Variants in ZSCAN5A observed in about 807,000 individuals in gnomAD.
The protein encoded by ZSCAN5A is zinc finger and SCAN domain containing 5A.
A neutral mutation model predicts 23.7 loss-of-function variants in ZSCAN5A; 12 were observed. The ratio of observed to expected loss-of-function variants is 0.51; its 90% confidence interval spans 0.32 to 0.82. The LOEUF (loss-of-function observed/expected upper bound fraction) is 0.82, where lower values mean the gene tolerates loss of function less well. Among genes scored for constraint, ZSCAN5A ranks in the 40% least tolerant of loss-of-function variants. The pLI is 0.03. For synonymous variants in ZSCAN5A, 257 were observed against 239.9 expected, an observed-to-expected ratio of 1.07 and a Z score of -0.66; for missense variants, 597 against 617.9, an observed-to-expected ratio of 0.97 and a Z score of 0.36.
At chr19:56,364,479 A>G (rs1348918223) in intron 1 of ZSCAN5A, among the ~76,000 whole-genome samples, 1 of 152,230 alleles carries the variant, frequency 6.6e-6, no homozygotes, top group Non-Finnish European at 1.5e-5. Context: ...AAGGATGTGG[A>G]ATGACTGGAA....
At chr19:56,335,103 C>CTTA (rs1051488703) in intron 2 of ZSCAN5A, among the ~76,000 whole-genome samples, 5 of 151,996 alleles carry the variant, frequency 3.3e-5, no homozygotes, top group African/African-American at 7.3e-5. Context: ...AAGAATGTAA[C>CTTA]CAGCCTGACA....
intron 2 of ZSCAN5A, among the ~76,000 whole-genome samples, chr19:56,278,775 G>A (rs1016484796): frequency 6.6e-6 from 1 of 152,160 alleles, no homozygotes; most frequent in Non-Finnish European, 1.5e-5. Flanking sequence ...GGAGCTCAGG[G>A]AGCTGTTGGT....
intron 2 of ZSCAN5A, among the ~76,000 whole-genome samples, chr19:56,291,832 C>T (rs1325037510): frequency 1.3e-5 from 2 of 152,078 alleles, no homozygotes; most frequent in Admixed American, 6.6e-5. Context: ...AATCCCTCCT[C>T]GAATCAGGCA....
intron 2 of ZSCAN5A, among the ~76,000 whole-genome samples, chr19:56,230,615 A>ATATGTGTGTGTGTGTGTGTG (rs778155664): frequency 2.0e-5 from 3 of 147,686 alleles, no homozygotes; most frequent in East Asian, 2.1e-4. Flanking sequence ...TTATTTCTTG[A>ATATGTGTGTGTGTGTGTGTG]TGTGTGTGTG....
chr19:56,248,026 GTATTT>G (rs1435535673), intron 2 of ZSCAN5A, among the ~76,000 whole-genome samples: 3 of 152,132 alleles, frequency 2.0e-5, no homozygotes, highest in African/African-American at 2.4e-5. Flanking sequence ...TTAGTTTTCA[GTATTT>G]TATAACAAAA....
At chr19:56,364,035 T>C (rs1007132337) in intron 1 of ZSCAN5A, among the ~76,000 whole-genome samples, 1 of 152,128 alleles carries the variant, frequency 6.6e-6, no homozygotes, top group Non-Finnish European at 1.5e-5. Flanking sequence ...GCAAAGACAA[T>C]GGCAGAAAGG....
upstream of ZSCAN5A, chr19:56,318,041 G>C (rs886463329): frequency 6.6e-6 from 1 of 152,188 alleles, no homozygotes; most frequent in Non-Finnish European, 1.5e-5. Context: ...CTCCAAAACA[G>C]AGCACTGCAC....
At chr19:56,311,868 CTA>C (rs934336654) in intron 2 of ZSCAN5A, 8 of 152,250 alleles carry the variant, frequency 5.3e-5, no homozygotes, top group African/African-American at 1.9e-4. Flanking sequence ...TTGTTCACCC[CTA>C]TGTGTTCACG....
At chr19:56,238,277 C>G (rs780686749) in intron 2 of ZSCAN5A, among the ~76,000 whole-genome samples, 1 of 151,922 alleles carries the variant, frequency 6.6e-6, no homozygotes, top group Non-Finnish European at 1.5e-5. Context: ...AGGAATTAAG[C>G]AAATAAATAA....
At position 56,284,168 on chromosome 19, in the gene ZSCAN5A, T is replaced by C. The variant is rs950057875; in HGVS notation, c.-128+29115A>G. The C allele has an allele frequency of 1.0e-5, 10 of 985,400 alleles. No homozygotes were observed. The African/African-American group carries it at 1.6e-4, about 15-fold the overall frequency. The allele number at this position is 985,400 out of a possible 1,614,324, so 61.0% of individuals were successfully genotyped here. ...ACCACGCATGTAACCTTGGCCACCATGCTGACTCTCCTGGATGGGCTGCCA... is the reference window on the plus strand; with the variant it reads ...ACCACGCATGTAACCTTGGCCACCACGCTGACTCTCCTGGATGGGCTGCCA... On this transcript the variant is annotated intron_variant, in intron 2 of 5. Coordinates refer to ENST00000683990, the MANE Select transcript of ZSCAN5A (RefSeq NM_001322064.3).
chr19:56,323,003 T>G (rs1278722937), intron 2 of ZSCAN5A, among the ~76,000 whole-genome samples: 1 of 149,534 alleles, frequency 6.7e-6, no homozygotes, highest in Non-Finnish European at 1.5e-5. Flanking sequence ...CACGCCATTC[T>G]CCTGCCTCAG....
At chr19:56,253,841 C>T (rs1349979173) in intron 2 of ZSCAN5A, among the ~76,000 whole-genome samples, 1 of 152,116 alleles carries the variant, frequency 6.6e-6, no homozygotes, top group Non-Finnish European at 1.5e-5. Context: ...AAGCCGGTGC[C>T]ACTAGCATCA....
At chr19:56,247,415 GA>G in intron 2 of ZSCAN5A, 3 of 178,060 alleles carry the variant, frequency 1.7e-5, no homozygotes, top group Admixed American at 5.8e-5. Flanking sequence ...AAGTGTCTAA[GA>G]GCCTTTCGTC....
intron 2 of ZSCAN5A, among the ~76,000 whole-genome samples, chr19:56,349,560 C>T (rs1243122271): frequency 6.6e-6 from 1 of 151,966 alleles, no homozygotes; most frequent in African/African-American, 2.4e-5. Context: ...TTCAAATTAG[C>T]CGGGTGCAGT....
intron 2 of ZSCAN5A, among the ~76,000 whole-genome samples, chr19:56,241,937 C>T (rs1385547091): frequency 6.6e-6 from 1 of 152,136 alleles, no homozygotes; most frequent in Non-Finnish European, 1.5e-5. Flanking sequence ...CTCAACCCGT[C>T]ACCCAGGATG....
chr19:56,288,067 C>T (rs185452607), intron 2 of ZSCAN5A, among the ~76,000 whole-genome samples: 1 of 152,250 alleles, frequency 6.6e-6, no homozygotes, highest in East Asian at 1.9e-4. Flanking sequence ...TGCTGATGGT[C>T]ACGAGGCTGG....
intron 2 of ZSCAN5A, among the ~76,000 whole-genome samples, chr19:56,327,800 A>G (rs887387094): frequency 1.5e-4 from 23 of 151,970 alleles, no homozygotes; most frequent in South Asian, 2.1e-4. Flanking sequence ...CATGCGATAC[A>G]TATGCACTGT....
chr19:56,322,970 C>A (rs2041393254), intron 2 of ZSCAN5A, among the ~76,000 whole-genome samples: 1 of 149,058 alleles, frequency 6.7e-6, no homozygotes, highest in Non-Finnish European at 1.5e-5. Flanking sequence ...TCTCTGCTCA[C>A]TGCAAGCTTC....
At chr19:56,297,567 A>G (rs2039962203) in intron 2 of ZSCAN5A, 1 of 974,634 alleles carries the variant, frequency 1.0e-6, no homozygotes, top group Non-Finnish European at 1.2e-6. Context: ...CTCATCTATA[A>G]GACAGTGTGT....
Sources: allele counts gnomAD v4.1 joint callset (sites outside exome capture counted in the v4.1 genomes callset), GRCh38; gene constraint gnomAD v4.1.1; transcripts MANE v1.5; gene names NCBI Gene and HGNC (gene_info 2026-07-23, HGNC 2026-07-21).